The following PPP2R2C variants were observed in gnomAD, a reference collection of about 807,000 sequenced individuals.
PPP2R2C encodes the protein protein phosphatase 2, regulatory subunit B, gamma.
In PPP2R2C, 10 loss-of-function variants were observed where a neutral mutation model predicts 45.3. The ratio of observed to expected loss-of-function variants is 0.22; its 90% CI spans 0.14 to 0.37. PPP2R2C has a LOEUF of 0.37. Ranked by LOEUF, PPP2R2C falls within the 10% of genes least tolerant of loss-of-function variation. PPP2R2C has a pLI of 1.00. For synonymous variants in PPP2R2C, 257 were observed against 245.4 expected (o/e 1.05, Z -0.44); for missense variants, 308 against 619.7 (o/e 0.50, Z 5.34).
At chr4:6,532,294 C>A (rs1342602079) in intron 2 of PPP2R2C, among the ~76,000 whole-genome samples, 1 of 152,180 alleles carries the variant, frequency 6.6e-6, no homozygotes, top group African/African-American at 2.4e-5. Flanking sequence ...AGGGCTTTGT[C>A]CAGGGTTGCC....
intron 2 of PPP2R2C, among the ~76,000 whole-genome samples, chr4:6,516,092 T>C (rs2108809668): frequency 6.6e-6 from 1 of 152,370 alleles, no homozygotes; most frequent in South Asian, 2.1e-4. Flanking sequence ...TTTCCAAATA[T>C]GGTCGCATTC....
At chr4:6,339,377 G>A (rs114659156) in intron 6 of PPP2R2C, among the ~76,000 whole-genome samples, 2,348 of 152,356 alleles carry the variant, frequency 0.015, 63 homozygotes, top group African/African-American at 0.053. Flanking sequence ...GCAGCTGCCT[G>A]CCGTTTCTGC....
chr4:6,516,309 T>C (rs1338785191), intron 2 of PPP2R2C, among the ~76,000 whole-genome samples: 1 of 152,218 alleles, frequency 6.6e-6, no homozygotes, highest in Non-Finnish European at 1.5e-5. Flanking sequence ...TTTCTTGGCA[T>C]TGCAGCCTGA....
At chr4:6,421,209 C>A (rs1045124867) in intron 1 of PPP2R2C, 3 of 862,942 alleles carry the variant, frequency 3.5e-6, no homozygotes, top group Non-Finnish European at 4.2e-6. Flanking sequence ...CCACCTGGAC[C>A]CAGGAGCCAA....
chr4:6,390,230 G>GC lies in PPP2R2C; in HGVS notation c.71-9137_71-9136insG, dbSNP rs552687675. Among the ~76,000 whole-genome samples the GC allele has an allele frequency of 4.9e-3, 740 of 152,146 alleles. 5 individuals carry two copies. The highest frequency in any genetic ancestry group is 0.015 in the African/African-American group (620 of 41,476). On this transcript the variant is annotated intron_variant, in intron 1 of 8. Transcript: ENST00000382599. ...TGGAGAACACAGCAGAGGGAGGCTG[G>GC]GGGTGCACACACTGTGCCTGGGGGA...
intron 5 of PPP2R2C, among the ~76,000 whole-genome samples, chr4:6,358,654 A>T (rs898108495): frequency 6.6e-6 from 1 of 152,324 alleles, no homozygotes; most frequent in African/African-American, 2.4e-5. Flanking sequence ...ACAAAAAAAA[A>T]ATCAAACAAC....
chr4:6,357,757 G>C (rs1004614429), intron 5 of PPP2R2C, among the ~76,000 whole-genome samples: 4 of 152,192 alleles, frequency 2.6e-5, no homozygotes, highest in African/African-American at 9.7e-5. Flanking sequence ...GGTGCCCCCA[G>C]CTGTTCAGAC....
chr4:6,464,092 TCA>T (rs1721469641), intron 1 of PPP2R2C, among the ~76,000 whole-genome samples: 1 of 152,170 alleles, frequency 6.6e-6, no homozygotes, highest in South Asian at 2.1e-4. Context: ...CACCTCAGCC[TCA>T]GTTTTCTCCT....
intron 2 of PPP2R2C, among the ~76,000 whole-genome samples, chr4:6,516,490 A>C (rs2108810043): frequency 6.6e-6 from 1 of 152,294 alleles, no homozygotes; most frequent in East Asian, 1.9e-4. Context: ...AGGGCCTGAT[A>C]GGATGCCCAG....
At chr4:6,408,380 C>T (rs1310450354) in intron 1 of PPP2R2C, among the ~76,000 whole-genome samples, 2 of 152,180 alleles carry the variant, frequency 1.3e-5, no homozygotes, top group East Asian at 3.9e-4. Context: ...ATGATCACAT[C>T]CCCATGCTGC....
intron 1 of PPP2R2C, chr4:6,382,258 TG>T: frequency 8.1e-7 from 1 of 1,233,648 alleles, no homozygotes; most frequent in South Asian, 1.4e-5. Flanking sequence ...CTGCTGTGAA[TG>T]GGACCTCTGT....
At chr4:6,433,056 T>C (rs1719708509) in intron 1 of PPP2R2C, among the ~76,000 whole-genome samples, 1 of 152,212 alleles carries the variant, frequency 6.6e-6, no homozygotes, top group African/African-American at 2.4e-5. Flanking sequence ...GAATACAGTA[T>C]ATAATACATA....
chr4:6,446,935 T>C (rs1412817632), intron 1 of PPP2R2C, among the ~76,000 whole-genome samples: 7 of 150,890 alleles, frequency 4.6e-5, no homozygotes, highest in Admixed American at 4.6e-4. Context: ...ATGTGAGCAC[T>C]GCAACAGAGG....
In PPP2R2C at chr4:6,377,454, G is replaced by A. The variant is rs559527975; in HGVS notation, c.334+953C>T. 1.3e-4 allele frequency among the ~76,000 whole-genome samples: 20 copies of A among 152,168 alleles called. 1 individual carries two copies. In the South Asian group the frequency reaches 4.2e-3, roughly 32 times the overall value. Reference sequence around the variant, plus strand: ...GCGGATCACCCGAGGTCAGGAGTTCGAGATCAACCTGGCCAACATGTAGTG... The same window carrying A: ...GCGGATCACCCGAGGTCAGGAGTTCAAGATCAACCTGGCCAACATGTAGTG... On this transcript the variant is annotated intron_variant, in intron 3 of 8. Coordinates refer to ENST00000382599, the MANE Select transcript of PPP2R2C (RefSeq NM_020416.4).
intron 2 of PPP2R2C, among the ~76,000 whole-genome samples, chr4:6,525,924 G>A (rs1303368214): frequency 1.3e-5 from 2 of 151,970 alleles, no homozygotes; most frequent in African/African-American, 2.4e-5. Context: ...GGCTGGTCTC[G>A]AACTCCTGAC....
intron 3 of PPP2R2C, among the ~76,000 whole-genome samples, chr4:6,376,886 G>T (rs1375353044): frequency 1.3e-5 from 2 of 152,212 alleles, no homozygotes. Context: ...TGCTGGGCAG[G>T]GCCCCTTAGG....
intron 1 of PPP2R2C, among the ~76,000 whole-genome samples, chr4:6,430,646 C>G (rs752748985): frequency 6.6e-6 from 1 of 152,120 alleles, no homozygotes; most frequent in Non-Finnish European, 1.5e-5. Flanking sequence ...CAGATCCAGC[C>G]GGGCACGGTG....
chr4:6,349,650 C>A, intron 5 of PPP2R2C: 1 of 903,314 alleles, frequency 1.1e-6, no homozygotes, highest in Non-Finnish European at 1.3e-6. Context: ...ACCATTCTGG[C>A]CAACACAGTA....
chr4:6,367,190 T>C (rs1201699936), intron 5 of PPP2R2C, among the ~76,000 whole-genome samples: 2 of 152,062 alleles, frequency 1.3e-5, no homozygotes, highest in African/African-American at 4.8e-5. Flanking sequence ...CATTGTCCAA[T>C]AGTCAAAGCA....
Sources: gnomAD v4.1 joint callset for allele counts (sites outside exome capture counted in the v4.1 genomes callset) on GRCh38, gnomAD v4.1.1 for gene constraint, MANE v1.5 for transcripts, NCBI Gene and HGNC (gene_info 2026-07-23, HGNC 2026-07-21) for gene names.